The following TRIM23 variants were observed in gnomAD, a reference collection of about 807,000 sequenced individuals.
TRIM23 encodes the protein tripartite motif containing 23.
TRIM23 carries 27 observed loss-of-function variants against 71.0 expected under a neutral mutation model. That is an observed-to-expected ratio of 0.38 (90% confidence interval 0.28 to 0.52). The LOEUF is 0.52. Ranked by LOEUF, TRIM23 falls within the 20% of genes least tolerant of loss-of-function variation. The probability of loss-of-function intolerance (pLI) is 0.84; values close to 1 mark genes in which losing one functional copy is unlikely to be tolerated. For missense variants in TRIM23, 482 were observed against 692.3 expected, an observed-to-expected ratio of 0.70 and a Z score of 3.41; for synonymous variants, 234 against 238.0, an observed-to-expected ratio of 0.98 and a Z score of 0.16.
At chr5:65,594,731 T>A in intron 9 of TRIM23, 86 bp from the exon 10 acceptor site, 1 of 1,237,208 alleles carries the variant, frequency 8.1e-7, no homozygotes, top group South Asian at 1.8e-5. Flanking sequence ...ATCATTATTA[T>A]GTTATGGTTA....
intron 3 of TRIM23, 100 bp downstream of exon 3, chr5:65,613,998 T>C: frequency 3.2e-6 from 5 of 1,555,734 alleles, no homozygotes; most frequent in South Asian, 2.4e-5. Flanking sequence ...TCTAGAAATT[T>C]ACCTGCTGAA....
In TRIM23 at chr5:65,605,188, G is replaced by A. The variant is rs1016801225; in HGVS notation, c.1045-143C>T. The A allele has an allele frequency of 2.0e-5, 15 of 738,154 alleles. No individual in the cohort carries two copies. The African/African-American group carries it at 2.7e-4, about 13-fold the overall frequency. 45.7% of individuals were successfully genotyped at this position (738,154 alleles called of 1,614,324 possible). ...TAAATTTGACAAAAATAATAATTGA[G>A]CATTAATAAATAATTTAAGGACTTA... On this transcript the variant is annotated intron_variant, in intron 6 of 10. Coordinates refer to ENST00000231524, the MANE Select transcript of TRIM23 (RefSeq NM_001656.4).
chr5:65,619,337 A>G (rs1240346448), intron 1 of TRIM23, among the ~76,000 whole-genome samples: 1 of 152,194 alleles, frequency 6.6e-6, no homozygotes, highest in Non-Finnish European at 1.5e-5. Flanking sequence ...AAACACTTTA[A>G]TACCTTGGTC....
chr5:65,596,430 TGAGG>T lies in TRIM23; in HGVS notation c.1407_1410del (p.Tyr469Ter). On this transcript the variant is annotated frameshift_variant, in exon 9 of 11. Coordinates refer to ENST00000231524, the MANE Select transcript of TRIM23 (RefSeq NM_001656.4). LOFTEE classifies it high-confidence loss of function. ...CATTTTTAACTCTCACCTTGAGTAT[TGAGG>T]TAATAATGTTTCCACAATGGTCTTA... The T allele has an allele frequency of 6.3e-7, 1 of 1,589,172 alleles. No homozygotes were observed. The highest frequency in any genetic ancestry group is 8.6e-7 in the Non-Finnish European group (1 of 1,159,142).
At chr5:65,618,892 A>T (rs1388758944) in intron 1 of TRIM23, among the ~76,000 whole-genome samples, 1 of 152,238 alleles carries the variant, frequency 6.6e-6, no homozygotes, top group East Asian at 1.9e-4. Context: ...AGTTACAGAC[A>T]CATGACTTGC....
chr5:65,598,831 A>G (rs1441796827), intron 7 of TRIM23, among the ~76,000 whole-genome samples: 1 of 152,174 alleles, frequency 6.6e-6, no homozygotes, highest in South Asian at 2.1e-4. Flanking sequence ...ATTATTCATC[A>G]TCAATCAGCA....
intron 7 of TRIM23, among the ~76,000 whole-genome samples, chr5:65,598,325 C>T (rs1274777471): frequency 6.6e-6 from 1 of 152,198 alleles, no homozygotes; most frequent in African/African-American, 2.4e-5. Context: ...ACCAAGAAGG[C>T]ATTCCAGTGA....
intron 1 of TRIM23, among the ~76,000 whole-genome samples, chr5:65,618,882 A>G (rs1005173595): frequency 2.6e-5 from 4 of 152,198 alleles, no homozygotes; most frequent in African/African-American, 9.6e-5. Context: ...TTCTAGCTCT[A>G]GTTACAGACA....
At chr5:65,604,740 T>C (rs1010417730) in intron 7 of TRIM23, 171 bp downstream of exon 7, 39 of 502,542 alleles carry the variant, frequency 7.8e-5, no homozygotes, top group African/African-American at 7.3e-4. Flanking sequence ...AATTTTAGTA[T>C]ATGTGCTGCC....
At chr5:65,599,356 TA>T (rs1191228335) in intron 7 of TRIM23, among the ~76,000 whole-genome samples, 1 of 152,192 alleles carries the variant, frequency 6.6e-6, no homozygotes, top group Non-Finnish European at 1.5e-5. Context: ...AGTTTATGAC[TA>T]AAGAAGTTTC....
At chr5:65,594,867 A>G (rs1754153815) in intron 9 of TRIM23, among the ~76,000 whole-genome samples, 1 of 152,202 alleles carries the variant, frequency 6.6e-6, no homozygotes, top group Non-Finnish European at 1.5e-5. Context: ...CCCATCTAGG[A>G]AAGGATTTAC....
At chr5:65,617,073 T>C (rs1279765478) in intron 2 of TRIM23, among the ~76,000 whole-genome samples, 3 of 152,024 alleles carry the variant, frequency 2.0e-5, no homozygotes, top group Non-Finnish European at 4.4e-5. Context: ...TTTCACATAA[T>C]AAAAGACCAA....
chr5:65,623,464 G>T (rs1284060507), intron 1 of TRIM23, among the ~76,000 whole-genome samples: 2 of 152,182 alleles, frequency 1.3e-5, no homozygotes, highest in African/African-American at 4.8e-5. Flanking sequence ...CACAACAGTG[G>T]AAGGGAAAAA....
At chr5:65,615,545 T>G (rs1754756296) in intron 2 of TRIM23, among the ~76,000 whole-genome samples, 1 of 151,914 alleles carries the variant, frequency 6.6e-6, no homozygotes, top group African/African-American at 2.4e-5. Context: ...AAAAAGCCAT[T>G]CTGTGTTGTG....
Position 65,590,916 on chromosome 5 carries a change from A to G in TRIM23, c.*853T>C. On this transcript the variant is annotated 3_prime_UTR_variant, in exon 11 of 11. Transcript: ENST00000231524. ...CTGCGTTACTTACTACATTTTACCT[A>G]TAGTCATTCCCACAAAGGATGCAAT... is the stretch of plus-strand genomic sequence containing the variant. 2 of 985,240 alleles carry G rather than the reference A, an allele frequency of 2.0e-6. No homozygotes were observed. Among genetic ancestry groups the G allele is most frequent in the Non-Finnish European group, 2.4e-6 (2 of 829,782 alleles). 61.0% of individuals were successfully genotyped at this position (985,240 alleles called of 1,614,324 possible). A position where few individuals can be genotyped will look rare whatever the true frequency, so the allele number is the denominator to read the frequency against.
intron 2 of TRIM23, among the ~76,000 whole-genome samples, chr5:65,617,715 T>C (rs902988881): frequency 2.0e-5 from 3 of 152,218 alleles, no homozygotes; most frequent in African/African-American, 4.8e-5. Flanking sequence ...AAATGACTTA[T>C]CTGTATTTTC....
At position 65,591,506 on chromosome 5, in the gene TRIM23, AAAT is replaced by A; in HGVS notation, c.*260_*262del. ...TGGTCACATATTATCTGAAAAACTT[AAAT>A]AACAAATATACTTTTTAAAAGAATG... On this transcript the variant is annotated 3_prime_UTR_variant, in exon 11 of 11. Transcript: ENST00000231524. 1 of 1,560,096 alleles carries A rather than the reference AAAT, an allele frequency of 6.4e-7. No individual in the cohort carries two copies. The highest frequency in any genetic ancestry group is 8.7e-7 in the Non-Finnish European group (1 of 1,146,058).
intron 9 of TRIM23, among the ~76,000 whole-genome samples, chr5:65,595,247 TA>T (rs1046385397): frequency 6.6e-6 from 1 of 150,678 alleles, no homozygotes; most frequent in South Asian, 2.1e-4. Flanking sequence ...TTATCTCTAT[TA>T]AAAAAAAATT....
intron 1 of TRIM23, among the ~76,000 whole-genome samples, chr5:65,622,317 C>T (rs931235900): frequency 1.3e-5 from 2 of 152,108 alleles, no homozygotes; most frequent in Non-Finnish European, 2.9e-5. Context: ...CAGGCCCACA[C>T]CACAATGCCT....
Sources: gnomAD v4.1 joint callset for allele counts (sites outside exome capture counted in the v4.1 genomes callset) on GRCh38, gnomAD v4.1.1 for gene constraint, MANE v1.5 for transcripts, NCBI Gene and HGNC (gene_info 2026-07-23, HGNC 2026-07-21) for gene names.